RARRES1: variants seen among roughly 807,000 people sequenced by gnomAD.
RARRES1 encodes retinoic acid receptor responder 1, also known as retinoic acid receptor responder protein 1.
A neutral mutation model predicts 30.6 loss-of-function variants in RARRES1; 34 were observed. The observed-to-expected ratio is 1.11, with a 90% CI of 0.84 to 1.48. The LOEUF (loss-of-function observed/expected upper bound fraction) is 1.48, where lower values mean the gene tolerates loss of function less well. RARRES1 is among the 40% of genes most tolerant of loss of function. The probability of loss-of-function intolerance (pLI) is 0.00; values close to 1 mark genes in which losing one functional copy is unlikely to be tolerated. For synonymous variants in RARRES1, 153 were observed against 155.5 expected, an observed-to-expected ratio of 0.98 and a Z score of 0.12; for missense variants, 373 against 386.5, an observed-to-expected ratio of 0.97 and a Z score of 0.29.
At chr3:158,706,730 A>G (rs749231277) in intron 3 of RARRES1, among the ~76,000 whole-genome samples, 9 of 152,232 alleles carry the variant, frequency 5.9e-5, no homozygotes, top group African/African-American at 2.2e-4. Context: ...GATAATGACC[A>G]AAGTTTCTAG....
At chr3:158,708,251 T>C (rs1726990553) in intron 3 of RARRES1, among the ~76,000 whole-genome samples, 3 of 152,228 alleles carry the variant, frequency 2.0e-5, no homozygotes, top group Non-Finnish European at 2.9e-5. Context: ...ACTTCCTTGA[T>C]CCAGCTCATC....
intron 3 of RARRES1, 105 bp from the exon 4 acceptor site, chr3:158,705,032 T>C: frequency 7.1e-7 from 1 of 1,407,982 alleles, no homozygotes; most frequent in Non-Finnish European, 9.5e-7. Flanking sequence ...ACCAGTCATC[T>C]CTCTCACAGC....
chr3:158,710,954 C>T (rs1559870895), intron 2 of RARRES1, 21 bp from the exon 3 acceptor site: 4 of 1,596,312 alleles, frequency 2.5e-6, no homozygotes, highest in South Asian at 1.1e-5. Flanking sequence ...AAACAGGATA[C>T]TTTATCACCT....
At chr3:158,706,536 A>T (rs1322068303) in intron 3 of RARRES1, among the ~76,000 whole-genome samples, 1 of 152,188 alleles carries the variant, frequency 6.6e-6, no homozygotes, top group African/African-American at 2.4e-5. Flanking sequence ...GTGGGTATGA[A>T]CTGCAGTTGA....
At chr3:158,730,415 CCTCT>C (rs1317610124) in intron 1 of RARRES1, among the ~76,000 whole-genome samples, 2 of 113,130 alleles carry the variant, frequency 1.8e-5, no homozygotes, top group South Asian at 3.0e-4. Context: ...TTCCTTCCTT[CCTCT>C]CTCTCTTTCT....
At chr3:158,714,463 A>C (rs1559872003) in intron 1 of RARRES1, among the ~76,000 whole-genome samples, 1 of 152,188 alleles carries the variant, frequency 6.6e-6, no homozygotes, top group Non-Finnish European at 1.5e-5. Flanking sequence ...GGCAGAGGGG[A>C]CCCACAAGCA....
intron 1 of RARRES1, among the ~76,000 whole-genome samples, chr3:158,718,145 A>AT (rs1486678786): frequency 1.3e-5 from 2 of 151,928 alleles, no homozygotes; most frequent in African/African-American, 2.4e-5. Flanking sequence ...GGCCCAGCTA[A>AT]TTTTTTGTAT....
chr3:158,726,595 T>C (rs1727696743), intron 1 of RARRES1, among the ~76,000 whole-genome samples: 1 of 152,228 alleles, frequency 6.6e-6, no homozygotes, highest in Admixed American at 6.5e-5. Flanking sequence ...CAAACAAAGA[T>C]GTCATGTCCA....
intron 1 of RARRES1, among the ~76,000 whole-genome samples, chr3:158,730,829 G>C (rs1467586008): frequency 1.3e-5 from 2 of 151,468 alleles, no homozygotes; most frequent in Non-Finnish European, 2.9e-5. Context: ...TGTTACCCAG[G>C]CTGGAGTGCA....
Position 158,697,844 on chromosome 3 carries a change from T to A in RARRES1, c.736-17A>T. On this transcript the variant is annotated splice_polypyrimidine_tract_variant and intron_variant, in intron 5 of 5. Transcript: ENST00000237696. The stretch of plus-strand genomic sequence containing the variant: ...AATTATTTCCTAGGAAATAGAGTTA[T>A]AAAATATTATAATCTGCAAAAACTT... 6.2e-7 allele frequency: 1 copy of A among 1,601,498 alleles called. No homozygotes were observed. The highest frequency in any genetic ancestry group is 8.5e-7 in the Non-Finnish European group (1 of 1,170,828).
chr3:158,717,017 C>T (rs986532077), intron 1 of RARRES1, among the ~76,000 whole-genome samples: 16 of 152,232 alleles, frequency 1.1e-4, no homozygotes, highest in Admixed American at 6.5e-5. Flanking sequence ...TCCTCTGAGT[C>T]ACAAGAGCCC....
chr3:158,727,985 C>T (rs1301136752), intron 1 of RARRES1, among the ~76,000 whole-genome samples: 2 of 152,180 alleles, frequency 1.3e-5, no homozygotes, highest in African/African-American at 2.4e-5. Context: ...GATAACTTGA[C>T]GCGCCAACAG....
intron 4 of RARRES1, among the ~76,000 whole-genome samples, chr3:158,700,893 C>T (rs924627659): frequency 5.3e-5 from 8 of 152,206 alleles, no homozygotes; most frequent in African/African-American, 1.9e-4. Context: ...ACCCCATGCC[C>T]CTCCACCCTG....
At chr3:158,703,299 T>C (rs1295118465) in intron 4 of RARRES1, among the ~76,000 whole-genome samples, 1 of 152,174 alleles carries the variant, frequency 6.6e-6, no homozygotes, top group Non-Finnish European at 1.5e-5. Flanking sequence ...ACATCCTCTC[T>C]GGCCTACTCA....
chr3:158,710,424 G>T (rs1727080732), intron 3 of RARRES1, among the ~76,000 whole-genome samples: 1 of 152,090 alleles, frequency 6.6e-6, no homozygotes, highest in African/African-American at 2.4e-5. Flanking sequence ...TAGCCAGGAT[G>T]GTCTTGATCT....
At position 158,728,722 on chromosome 3, in the gene RARRES1, C is replaced by T. The variant is rs149476802; in HGVS notation, c.276+3418G>A. 4.9e-3 allele frequency among the ~76,000 whole-genome samples: 745 copies of T among 152,012 alleles called. 2 individuals are homozygous for T. Among genetic ancestry groups the T allele is most frequent in the Non-Finnish European group, 7.5e-3 (512 of 67,988 alleles). Reference sequence around the variant, plus strand: ...TACTTTTAGTAGAGATGGGGTTTCACCATGTTGGCCAGGCTGGTCTTGAAC... The same window carrying T: ...TACTTTTAGTAGAGATGGGGTTTCATCATGTTGGCCAGGCTGGTCTTGAAC... On this transcript the variant is annotated intron_variant, in intron 1 of 5. Transcript: ENST00000237696.
intron 1 of RARRES1, among the ~76,000 whole-genome samples, chr3:158,720,266 A>ATATG (rs1553745447): frequency 4.0e-5 from 5 of 124,852 alleles, no homozygotes; most frequent in Admixed American, 3.1e-4. Context: ...GTGTGTGTGT[A>ATATG]TGTGTGTGAG....
chr3:158,720,273 T>TGAGAGAGAGAGA (rs968371151), intron 1 of RARRES1, among the ~76,000 whole-genome samples: 30 of 144,530 alleles, frequency 2.1e-4, no homozygotes, highest in African/African-American at 7.2e-4. Context: ...TGTATGTGTG[T>TGAGAGAGAGAGA]GAGAGAGAGA....
chr3:158,705,234 C>T (rs1382220951), intron 3 of RARRES1, among the ~76,000 whole-genome samples: 2 of 152,132 alleles, frequency 1.3e-5, no homozygotes, highest in Non-Finnish European at 2.9e-5. Flanking sequence ...ATCTTGGACC[C>T]ATCTTGTCTT....
Sources: gnomAD v4.1 joint callset for allele counts (sites outside exome capture counted in the v4.1 genomes callset) on GRCh38, gnomAD v4.1.1 for gene constraint, MANE v1.5 for transcripts, NCBI Gene and HGNC (gene_info 2026-07-23, HGNC 2026-07-21) for gene names.